ERP44: variants seen among roughly 807,000 people sequenced by gnomAD.
ERP44 encodes the protein endoplasmic reticulum resident protein 44.
Under a neutral mutation model 53.4 loss-of-function variants are expected in ERP44, and 25 were observed. That is an observed-to-expected ratio of 0.47 (90% CI 0.34 to 0.65). The LOEUF (loss-of-function observed/expected upper bound fraction) is 0.65. Ranked by LOEUF, ERP44 falls within the 30% of genes least tolerant of loss-of-function variation. The pLI is 0.01. For missense variants in ERP44, 338 were observed against 493.2 expected (o/e 0.69, Z 2.98); for synonymous variants, 145 against 161.2 (o/e 0.90, Z 0.76).
intron 1 of ERP44, among the ~76,000 whole-genome samples, chr9:100,071,173 C>T (rs1388056290): frequency 2.0e-5 from 3 of 147,860 alleles, no homozygotes; most frequent in Non-Finnish European, 3.0e-5. Flanking sequence ...CGGCTCACTG[C>T]GACCTCCACC....
chr9:100,063,821 G>C (rs1826182196), intron 1 of ERP44, among the ~76,000 whole-genome samples: 1 of 152,184 alleles, frequency 6.6e-6, no homozygotes, highest in Non-Finnish European at 1.5e-5. Context: ...AAGCAGAGCA[G>C]AGTGGCATCT....
chr9:100,070,056 C>A (rs550914824), intron 1 of ERP44, among the ~76,000 whole-genome samples: 1 of 152,210 alleles, frequency 6.6e-6, no homozygotes, highest in East Asian at 1.9e-4. Context: ...AAAATCACCA[C>A]ATTTTGCTCT....
intron 1 of ERP44, among the ~76,000 whole-genome samples, chr9:100,069,435 C>T (rs1826275223): frequency 6.6e-6 from 1 of 152,110 alleles, no homozygotes; most frequent in African/African-American, 2.4e-5. Flanking sequence ...TACTTTCAGA[C>T]ATTAATAATT....
chr9:100,004,664 G>T (rs1830410104), intron 10 of ERP44, among the ~76,000 whole-genome samples: 2 of 152,126 alleles, frequency 1.3e-5, no homozygotes, highest in African/African-American at 4.8e-5. Context: ...GTTGGGGGAG[G>T]GGTGGTGCAA....
At chr9:100,068,534 C>A (rs1564102491) in intron 1 of ERP44, among the ~76,000 whole-genome samples, 1 of 137,708 alleles carries the variant, frequency 7.3e-6, no homozygotes, top group Non-Finnish European at 1.6e-5. Context: ...GTTCAGCCCC[C>A]CGCCCGGCCA....
At chr9:100,087,836 C>T (rs568981004) in intron 1 of ERP44, among the ~76,000 whole-genome samples, 62 of 152,166 alleles carry the variant, frequency 4.1e-4, no homozygotes, top group Admixed American at 9.2e-4. Flanking sequence ...AAAATCCATA[C>T]GCATATGCAC....
chr9:99,985,140 T>C (rs1258120588), intron 10 of ERP44, 71 bp from the exon 11 acceptor site: 1 of 1,047,214 alleles, frequency 9.5e-7, no homozygotes, highest in South Asian at 1.4e-5. Context: ...CTTCACAGTA[T>C]TAAAAAAACT....
intron 4 of ERP44, among the ~76,000 whole-genome samples, chr9:100,044,217 A>G (rs968791392): frequency 2.0e-5 from 3 of 152,174 alleles, no homozygotes; most frequent in Non-Finnish European, 4.4e-5. Flanking sequence ...CTATTCATTT[A>G]TCTATCCATC....
chr9:100,002,942 T>TCC (rs1830393222), intron 10 of ERP44, among the ~76,000 whole-genome samples: 1 of 152,156 alleles, frequency 6.6e-6, no homozygotes, highest in Non-Finnish European at 1.5e-5. Flanking sequence ...CTCCTATAAC[T>TCC]TGAATATTTA....
chr9:100,006,726 G>A, intron 9 of ERP44, 79 bp from the exon 10 acceptor site: 1 of 981,906 alleles, frequency 1.0e-6, no homozygotes, highest in South Asian at 1.7e-5. Context: ...CTCACAAAAA[G>A]TGACATACTA....
intron 7 of ERP44, among the ~76,000 whole-genome samples, chr9:100,017,187 A>C (rs1312369756): frequency 6.6e-6 from 1 of 152,266 alleles, no homozygotes; most frequent in Admixed American, 6.5e-5. Flanking sequence ...AATATTAATC[A>C]GTAAACTTAC....
chr9:100,071,958 A>G (rs558739209), intron 1 of ERP44, among the ~76,000 whole-genome samples: 67 of 152,236 alleles, frequency 4.4e-4, no homozygotes, highest in African/African-American at 1.4e-3. Flanking sequence ...TAAAAATTAC[A>G]TTGTTACTTC....
At chr9:100,092,610 C>T (rs1375300891) in intron 1 of ERP44, among the ~76,000 whole-genome samples, 1 of 152,180 alleles carries the variant, frequency 6.6e-6, no homozygotes, top group African/African-American at 2.4e-5. Flanking sequence ...TAATACCTTC[C>T]ACTGTTCATA....
In ERP44 at chr9:100,003,269, T is replaced by C. The variant is rs547839695; in HGVS notation, c.1016+3237A>G. On this transcript the variant is annotated intron_variant, in intron 10 of 11. Transcript: ENST00000262455. Reference sequence around the variant, plus strand: ...TACTTTTTAAAACAATTATTCTGAATTCTTTGTCAGGCAGTTCATACATCT... The same window carrying C: ...TACTTTTTAAAACAATTATTCTGAACTCTTTGTCAGGCAGTTCATACATCT... Among the ~76,000 whole-genome samples, 9 of 152,370 alleles carry C rather than the reference T, an allele frequency of 5.9e-5. No individual in the cohort carries two copies. The South Asian group carries it at 1.9e-3, about 32-fold the overall frequency.
At chr9:100,086,690 C>T (rs1222772347) in intron 1 of ERP44, among the ~76,000 whole-genome samples, 1 of 152,150 alleles carries the variant, frequency 6.6e-6, no homozygotes, top group Non-Finnish European at 1.5e-5. Context: ...ATCACAACAG[C>T]TAAAAAGAGA....
chr9:100,037,320 C>G (rs542051782), intron 4 of ERP44, among the ~76,000 whole-genome samples: 1 of 152,186 alleles, frequency 6.6e-6, no homozygotes, highest in Non-Finnish European at 1.5e-5. Context: ...AATCACCCAT[C>G]TCAGCAGTCA....
At position 100,052,409 on chromosome 9, in the gene ERP44, G is replaced by A. The variant is rs767489357; in HGVS notation, c.286+8C>T. ...AGTCTCTTCTAGACTTCCTATTGAGGTACTTACAGTGCTGATCACAATCAA... is the reference window on the plus strand; with the variant it reads ...AGTCTCTTCTAGACTTCCTATTGAGATACTTACAGTGCTGATCACAATCAA... On this transcript the variant is annotated splice_region_variant and intron_variant, in intron 4 of 11. Coordinates refer to ENST00000262455, the MANE Select transcript of ERP44 (RefSeq NM_015051.3). 3 of 1,520,322 alleles carry A rather than the reference G, an allele frequency of 2.0e-6. No individual in the cohort carries two copies. The highest frequency in any genetic ancestry group is 1.2e-5 in the South Asian group (1 of 86,906). The allele number at this position is 1,520,322 out of a possible 1,614,324, so 94.2% of individuals were successfully genotyped here. A position where few individuals can be genotyped will look rare whatever the true frequency, so the allele number is the denominator to read the frequency against.
intron 9 of ERP44, 103 bp downstream of exon 9, chr9:100,007,475 A>G: frequency 1.5e-6 from 1 of 682,386 alleles, no homozygotes; most frequent in Non-Finnish European, 2.6e-6. Context: ...TTTTAACCCA[A>G]ATATGTTTAT....
chr9:100,062,145 CA>C (rs911727683), intron 1 of ERP44, among the ~76,000 whole-genome samples: 1 of 152,174 alleles, frequency 6.6e-6, no homozygotes, highest in Non-Finnish European at 1.5e-5. Context: ...ACTATTAGAT[CA>C]TACCCCCTTT....
Sources: allele counts gnomAD v4.1 joint callset (sites outside exome capture counted in the v4.1 genomes callset), GRCh38; gene constraint gnomAD v4.1.1; transcripts MANE v1.5; gene names NCBI Gene and HGNC (gene_info 2026-07-23, HGNC 2026-07-21).